ARHGAP26: variants seen among roughly 807,000 people sequenced by gnomAD.
The protein encoded by ARHGAP26 is rho GTPase-activating protein 26.
In ARHGAP26, 38 loss-of-function variants were observed where a neutral mutation model predicts 104.8. That is an observed-to-expected ratio of 0.36 (90% CI 0.28 to 0.48). The LOEUF (loss-of-function observed/expected upper bound fraction) is 0.48. Among genes scored for constraint, ARHGAP26 ranks in the 20% least tolerant of loss-of-function variants. The pLI is 0.99. For synonymous variants in ARHGAP26, 341 were observed against 340.0 expected (o/e 1.00, Z -0.03); for missense variants, 704 against 947.9 (o/e 0.74, Z 3.38).
At chr5:143,176,787 T>C (rs906979518) in intron 20 of ARHGAP26, among the ~76,000 whole-genome samples, 2 of 152,214 alleles carry the variant, frequency 1.3e-5, no homozygotes, top group African/African-American at 4.8e-5. Context: ...AATACTATAA[T>C]GAAAATTTCC....
At chr5:143,007,441 T>A (rs186047923) in intron 11 of ARHGAP26, among the ~76,000 whole-genome samples, 7 of 152,338 alleles carry the variant, frequency 4.6e-5, no homozygotes, top group African/African-American at 1.7e-4. Flanking sequence ...CTGTTATGCT[T>A]AAATTGGGTG....
At chr5:142,881,475 A>G (rs1756993362) in intron 4 of ARHGAP26, among the ~76,000 whole-genome samples, 1 of 152,186 alleles carries the variant, frequency 6.6e-6, no homozygotes, top group Non-Finnish European at 1.5e-5. Flanking sequence ...GAATTTAAGT[A>G]GTCACTCACC....
chr5:142,876,825 A>G (rs1756187985), intron 3 of ARHGAP26, among the ~76,000 whole-genome samples: 1 of 151,096 alleles, frequency 6.6e-6, no homozygotes, highest in Non-Finnish European at 1.5e-5. Context: ...AACTCCAAAC[A>G]GAGTAGAAAC....
chr5:143,213,584 G>A (rs1394039062), intron 21 of ARHGAP26, among the ~76,000 whole-genome samples: 1 of 152,178 alleles, frequency 6.6e-6, no homozygotes, highest in South Asian at 2.1e-4. Context: ...AGCATTGCCA[G>A]CTTTCAACAG....
At chr5:142,788,584 A>G (rs773132261) in intron 1 of ARHGAP26, among the ~76,000 whole-genome samples, 2 of 152,024 alleles carry the variant, frequency 1.3e-5, no homozygotes, top group African/African-American at 2.4e-5. Context: ...ATTACTGAAC[A>G]TGTTCAGATG....
At chr5:143,106,953 TC>T (rs1794111496) in intron 17 of ARHGAP26, among the ~76,000 whole-genome samples, 2 of 152,234 alleles carry the variant, frequency 1.3e-5, no homozygotes, top group South Asian at 4.1e-4. Context: ...AGAGAGGCCT[TC>T]CTGGCCTACC....
At chr5:143,114,402 TGCAGTGAGTG>T (rs1351103267) in intron 17 of ARHGAP26, among the ~76,000 whole-genome samples, 1 of 152,174 alleles carries the variant, frequency 6.6e-6, no homozygotes, top group Non-Finnish European at 1.5e-5. Flanking sequence ...GTAGAAAACA[TGCAGTGAGTG>T]GCAGTGAGGA....
At chr5:143,185,993 A>G (rs555389876) in intron 20 of ARHGAP26, among the ~76,000 whole-genome samples, 20 of 152,326 alleles carry the variant, frequency 1.3e-4, no homozygotes, top group African/African-American at 4.3e-4. Flanking sequence ...TGCAGAGATG[A>G]GGGCAGGGAG....
At chr5:142,771,219 G>C (rs1488511471) in intron 1 of ARHGAP26, 1 of 1,268,538 alleles carries the variant, frequency 7.9e-7, no homozygotes, top group Non-Finnish European at 9.9e-7. Context: ...TGTCCCAGCA[G>C]TGGGGCCAGA....
At chr5:142,990,946 G>C (rs1228066357) in intron 11 of ARHGAP26, among the ~76,000 whole-genome samples, 2 of 152,202 alleles carry the variant, frequency 1.3e-5, no homozygotes, top group African/African-American at 4.8e-5. Flanking sequence ...TCCATTCTCA[G>C]ATCTCAAACT....
At chr5:142,937,645 G>T (rs969648321) in intron 11 of ARHGAP26, among the ~76,000 whole-genome samples, 6 of 152,168 alleles carry the variant, frequency 3.9e-5, no homozygotes, top group Non-Finnish European at 8.8e-5. Context: ...AAGTACTACA[G>T]ATGTCCTTTA....
At chr5:142,781,381 T>C (rs1757466793) in intron 1 of ARHGAP26, among the ~76,000 whole-genome samples, 1 of 152,228 alleles carries the variant, frequency 6.6e-6, no homozygotes, top group Non-Finnish European at 1.5e-5. Flanking sequence ...TTTCTAAATA[T>C]CTTCAAATAA....
chr5:142,917,389 T>C (rs1762626495), intron 10 of ARHGAP26, among the ~76,000 whole-genome samples: 1 of 152,190 alleles, frequency 6.6e-6, no homozygotes. Flanking sequence ...TCAGAGCTGT[T>C]GGTGGTTGCA....
intron 11 of ARHGAP26, among the ~76,000 whole-genome samples, chr5:142,966,754 G>A (rs1771416183): frequency 6.6e-6 from 1 of 152,100 alleles, no homozygotes; most frequent in African/African-American, 2.4e-5. Flanking sequence ...TTTAAGTTCT[G>A]GGATACATGT....
intron 11 of ARHGAP26, among the ~76,000 whole-genome samples, chr5:142,999,748 T>C (rs189577147): frequency 2.6e-5 from 4 of 152,258 alleles, no homozygotes; most frequent in African/African-American, 9.6e-5. Context: ...TAGAAAGTGA[T>C]AGCCCTACAA....
At chr5:142,969,597 G>A (rs1598430652) in intron 11 of ARHGAP26, among the ~76,000 whole-genome samples, 1 of 152,198 alleles carries the variant, frequency 6.6e-6, no homozygotes, top group East Asian at 1.9e-4. Flanking sequence ...CATGAATAAT[G>A]TTCGTTTAAC....
chr5:143,147,568 G>T, intron 20 of ARHGAP26, 187 bp downstream of exon 20: 1 of 616,026 alleles, frequency 1.6e-6, no homozygotes, highest in Non-Finnish European at 2.7e-6. Context: ...AGAGGGAGTC[G>T]TTATTCTTAA....
intron 17 of ARHGAP26, among the ~76,000 whole-genome samples, chr5:143,107,270 C>T (rs1053114078): frequency 6.6e-6 from 1 of 152,134 alleles, no homozygotes; most frequent in Non-Finnish European, 1.5e-5. Flanking sequence ...GGTCAGTAGG[C>T]AGGGGCTGGA....
chr5:142,803,901 G>A (rs950330258), intron 1 of ARHGAP26, among the ~76,000 whole-genome samples: 1 of 152,240 alleles, frequency 6.6e-6, no homozygotes, highest in African/African-American at 2.4e-5. Context: ...GTTCCAGAGA[G>A]GGATAGGACC....
Sources: gnomAD v4.1 joint callset for allele counts (sites outside exome capture counted in the v4.1 genomes callset) on GRCh38, gnomAD v4.1.1 for gene constraint, MANE v1.5 for transcripts, NCBI Gene and HGNC (gene_info 2026-07-23, HGNC 2026-07-21) for gene names.